The following PGR variants were observed in gnomAD, a reference collection of about 807,000 sequenced individuals.
PGR encodes progesterone receptor.
In PGR, 25 loss-of-function variants were observed where a neutral mutation model predicts 76.1. The ratio of observed to expected loss-of-function variants is 0.33; its 90% confidence interval spans 0.24 to 0.46. The LOEUF (loss-of-function observed/expected upper bound fraction) is 0.46, where lower values mean the gene tolerates loss of function less well. Among genes scored for constraint, PGR ranks in the 20% least tolerant of loss-of-function variants. The pLI is 1.00. For missense variants in PGR, 1,172 were observed against 1,225.3 expected (o/e 0.96, Z 0.65); for synonymous variants, 579 against 535.0 (o/e 1.08, Z -1.14).
intron 2 of PGR, among the ~76,000 whole-genome samples, chr11:101,110,857 G>A (rs535514425): frequency 3.9e-5 from 6 of 152,194 alleles, no homozygotes; most frequent in South Asian, 4.2e-4. Context: ...TCACTACCTC[G>A]ATAAGTCAAT....
intron 2 of PGR, among the ~76,000 whole-genome samples, chr11:101,119,755 GA>G (rs1198562877): frequency 6.6e-6 from 1 of 152,174 alleles, no homozygotes; most frequent in Admixed American, 6.5e-5. Flanking sequence ...AGCACAATTT[GA>G]AAACCAGTCT....
chr11:101,108,309 T>C (rs931672427), intron 2 of PGR, among the ~76,000 whole-genome samples: 2 of 150,644 alleles, frequency 1.3e-5, no homozygotes, highest in African/African-American at 2.4e-5. Flanking sequence ...CTCCAGCACT[T>C]TGGGAGGATT....
At chr11:101,042,531 T>C (rs1417133791) in intron 6 of PGR, among the ~76,000 whole-genome samples, 5 of 152,240 alleles carry the variant, frequency 3.3e-5, no homozygotes, top group South Asian at 4.1e-4. Context: ...GTCTTCTTTA[T>C]ATAAATCTCA....
chr11:101,043,431 A>C (rs1246669545), intron 6 of PGR, among the ~76,000 whole-genome samples: 2 of 152,146 alleles, frequency 1.3e-5, no homozygotes, highest in African/African-American at 4.8e-5. Context: ...GAAGTTTTGA[A>C]CACCCTCAAA....
At chr11:101,113,204 T>C (rs974794382) in intron 2 of PGR, among the ~76,000 whole-genome samples, 1 of 152,182 alleles carries the variant, frequency 6.6e-6, no homozygotes, top group African/African-American at 2.4e-5. Context: ...TACCTCCTTT[T>C]TTCTATCATG....
intron 2 of PGR, among the ~76,000 whole-genome samples, chr11:101,107,443 A>C (rs530187365): frequency 1.3e-5 from 2 of 152,336 alleles, no homozygotes; most frequent in South Asian, 4.1e-4. Context: ...CTTAGTTATA[A>C]TTGACATCCA....
intron 3 of PGR, among the ~76,000 whole-genome samples, chr11:101,080,746 T>C (rs796565759): frequency 6.6e-5 from 10 of 152,156 alleles, no homozygotes; most frequent in African/African-American, 2.4e-4. Context: ...TAAAGCAATC[T>C]AGGAAATTAA....
Position 101,042,031 on chromosome 11 carries a change from T to G in PGR, c.2560A>C (p.Lys854Gln). 1 of 1,613,654 alleles carries G rather than the reference T, an allele frequency of 6.2e-7. No homozygotes were observed. Residue 854 changes from lysine to glutamine, a missense_variant, in exon 7 of 8, where the codon AAG becomes CAG. Physicochemically the swap from Lys to Gln is moderately conservative, Grantham distance 53 (BLOSUM62 1). This residue lies in a region of PGR where 166 missense variants were observed against 296.0 expected (regional missense o/e 0.56). Coordinates refer to ENST00000325455, the MANE Select transcript of PGR (RefSeq NM_000926.4). ...CCTTTTTGCCTCAAACCAATTGCCT[T>G]GATGAGCTCTCTAATGTAGCTTGAC... ...MRSSYIRELI[K>Q]AIGLRQKGVV...
Position 101,051,585 on chromosome 11 carries a change from A to C in PGR, c.2213-17T>G, listed in dbSNP as rs749106749. The C allele has an allele frequency of 3.8e-6, 6 of 1,572,604 alleles. 1 individual carries two copies. The highest frequency in any genetic ancestry group is 1.3e-5 in the African/African-American group (1 of 74,074). ...TTCGAAAACCTACAAAACAAATTTAAAAATACAGTGACCATAAAAATGACT... is the reference window on the plus strand; with the variant it reads ...TTCGAAAACCTACAAAACAAATTTACAAATACAGTGACCATAAAAATGACT... On this transcript the variant is annotated splice_polypyrimidine_tract_variant and intron_variant, in intron 4 of 7. Coordinates refer to ENST00000325455, the MANE Select transcript of PGR (RefSeq NM_000926.4).
At chr11:101,058,347 A>AT (rs958737089) in intron 4 of PGR, among the ~76,000 whole-genome samples, 2 of 151,942 alleles carry the variant, frequency 1.3e-5, no homozygotes, top group Non-Finnish European at 2.9e-5. Context: ...CTCTCTCATC[A>AT]TTTTTTTCTG....
In PGR at chr11:101,031,491, G is replaced by A. The variant is rs758842029; in HGVS notation, c.*7625C>T. ...AAAAAACATGGATAGATTATTAAGC[G>A]CCAAGTTTTCTCTTCAACCTACTGC... On this transcript the variant is annotated 3_prime_UTR_variant, in exon 8 of 8. Transcript: ENST00000325455. 5 of 228,324 alleles carry A rather than the reference G, an allele frequency of 2.2e-5. No homozygotes were observed. The highest frequency in any genetic ancestry group is 1.2e-4 in the East Asian group (2 of 16,032). 14.1% of individuals were successfully genotyped at this position (228,324 alleles called of 1,614,324 possible).
At chr11:101,088,270 T>C (rs551393031) in intron 3 of PGR, among the ~76,000 whole-genome samples, 36 of 152,250 alleles carry the variant, frequency 2.4e-4, no homozygotes, top group African/African-American at 6.7e-4. Context: ...AATACTTATA[T>C]ACTGTTGGTG....
chr11:101,127,980 G>T lies in PGR; in HGVS notation c.1091C>A (p.Pro364Gln), dbSNP rs1862932794. Residue 364 changes from proline (P) to glutamine (Q), a missense_variant, in exon 1 of 8, where the codon CCG becomes CAG. This residue lies in a region of PGR where 893 missense variants were observed against 785.9 expected (regional missense o/e 1.14). Transcript: ENST00000325455. ...AVGDFPDCAY[P>Q]PDAEPKDDAY... is the part of the protein sequence containing the mutation. ...GTCGTCCTTGGGCTCGGCGTCGGGC[G>T]GGTACGCGCAGTCGGGGAAGTCGCC... The T allele has an allele frequency of 1.2e-6, 2 of 1,611,920 alleles. No homozygotes were observed. The highest frequency in any genetic ancestry group is 1.7e-6 in the Non-Finnish European group (2 of 1,179,872).
intron 3 of PGR, 48 bp downstream of exon 3, chr11:101,091,712 T>C (rs761237511): frequency 1.3e-5 from 12 of 958,668 alleles, no homozygotes; most frequent in South Asian, 5.1e-5. Flanking sequence ...CACAGTTTTA[T>C]AGTATAAAGA....
chr11:101,099,549 T>C (rs111660999), intron 2 of PGR, among the ~76,000 whole-genome samples: 39 of 151,942 alleles, frequency 2.6e-4, no homozygotes, highest in African/African-American at 9.0e-4. Context: ...TCAATAAAAG[T>C]TTCTTTCTTT....
Position 101,039,058 on chromosome 11 carries a change from TG to T in PGR, c.*57del. The stretch of plus-strand genomic sequence containing the variant: ...ATAAAAACTCAAGACCTCATAATCC[TG>T]ACCAAAACAAAAAGACATACCACAA... On this transcript the variant is annotated 3_prime_UTR_variant, in exon 8 of 8. Transcript: ENST00000325455. 1 of 1,403,340 alleles carries T rather than the reference TG, an allele frequency of 7.1e-7. No homozygotes were observed. The highest frequency in any genetic ancestry group is 1.0e-6 in the Non-Finnish European group (1 of 992,382). 86.9% of individuals were successfully genotyped at this position (1,403,340 alleles called of 1,614,324 possible). A position where few individuals can be genotyped will look rare whatever the true frequency, so the allele number is the denominator to read the frequency against.
Position 101,102,864 on chromosome 11 carries a change from G to T in PGR, c.1790-10988C>A, listed in dbSNP as rs867332596. On this transcript the variant is annotated intron_variant, in intron 2 of 7. Coordinates refer to ENST00000325455, the MANE Select transcript of PGR (RefSeq NM_000926.4). ...CCACGGACTGGGGGCAGTGAGGGGT[G>T]GGGGGGGTTGGGGGAAGCGGTGATT... Among the ~76,000 whole-genome samples the T allele has an allele frequency of 5.5e-5, 8 of 146,498 alleles. No homozygotes were observed. The Middle Eastern group carries it at 0.011, about 193-fold the overall frequency.
At chr11:101,070,853 C>T (rs1384233846) in intron 3 of PGR, among the ~76,000 whole-genome samples, 1 of 152,210 alleles carries the variant, frequency 6.6e-6, no homozygotes, top group East Asian at 1.9e-4. Flanking sequence ...TCCCATCTCC[C>T]TGGGACAGAG....
chr11:101,055,370 C>T (rs997013210), intron 4 of PGR, among the ~76,000 whole-genome samples: 1 of 122,542 alleles, frequency 8.2e-6, no homozygotes, highest in African/African-American at 3.1e-5. Flanking sequence ...GAGCCAAGAA[C>T]GTGCCACTGC....
Sources: allele counts gnomAD v4.1 joint callset (sites outside exome capture counted in the v4.1 genomes callset), GRCh38; gene constraint gnomAD v4.1.1; regional missense constraint gnomAD v4.1.1; transcripts MANE v1.5; gene names NCBI Gene and HGNC (gene_info 2026-07-23, HGNC 2026-07-21).